ATP10B: variants seen among roughly 807,000 people sequenced by gnomAD.
ATP10B encodes phospholipid-transporting ATPase VB.
A neutral mutation model predicts 141.2 loss-of-function variants in ATP10B; 122 were observed. The observed-to-expected ratio is 0.86, with a 90% CI of 0.75 to 1.00. The LOEUF is 1.00. Among genes scored for constraint, ATP10B ranks in the 50% least tolerant of loss-of-function variants. The pLI is 0.00. For missense variants in ATP10B, 1,876 were observed against 1,825.3 expected (o/e 1.03, Z -0.51); for synonymous variants, 685 against 692.0 (o/e 0.99, Z 0.16).
At chr5:160,767,972 T>C (rs561457449) in intron 2 of ATP10B, among the ~76,000 whole-genome samples, 24 of 152,300 alleles carry the variant, frequency 1.6e-4, no homozygotes, top group Admixed American at 1.2e-3. Context: ...CGAACATTTC[T>C]GTCTCTCAGT....
chr5:160,616,862 C>T (rs548962623), intron 16 of ATP10B, among the ~76,000 whole-genome samples: 3 of 152,306 alleles, frequency 2.0e-5, no homozygotes, highest in South Asian at 2.1e-4. Flanking sequence ...AATACTGATT[C>T]AGAGTAGCAG....
chr5:160,901,859 T>C, the ATP10B span, among the ~76,000 whole-genome samples: 1 of 152,234 alleles, frequency 6.6e-6, no homozygotes, highest in Non-Finnish European at 1.5e-5. Flanking sequence ...ACTCCTGTTA[T>C]CTGCTAAGCA....
chr5:160,698,852 TAG>T (rs1054280544), intron 3 of ATP10B, among the ~76,000 whole-genome samples: 5 of 152,108 alleles, frequency 3.3e-5, no homozygotes, highest in Admixed American at 6.5e-5. Flanking sequence ...ATTAGTGAAT[TAG>T]AGAGTTGAGT....
rs767703443 is a variant in ATP10B, at chr5:160,687,857, G to C, written c.218C>G (p.Thr73Arg). ...SRRYPGNRTCTTKYTLFTFLP... is the reference protein window; with the variant it reads ...SRRYPGNRTCRTKYTLFTFLP... Reference sequence around the variant, plus strand: ...GAAGGTGAAGAGGGTGTATTTGGTTGTGCAGGTTCTGTTGCCAGGGTATCT... The same window carrying C: ...GAAGGTGAAGAGGGTGTATTTGGTTCTGCAGGTTCTGTTGCCAGGGTATCT... Residue 73 changes from threonine to arginine, a missense_variant, in exon 5 of 26, where the codon ACA becomes AGA. Transcript: ENST00000327245. The C allele has an allele frequency of 6.2e-7, 1 of 1,614,172 alleles. No individual in the cohort carries two copies. The highest frequency in any genetic ancestry group is 1.7e-5 in the Admixed American group (1 of 60,018).
At chr5:160,646,208 G>A (rs1760264511) in intron 8 of ATP10B, among the ~76,000 whole-genome samples, 2 of 152,018 alleles carry the variant, frequency 1.3e-5, no homozygotes, top group Non-Finnish European at 2.9e-5. Flanking sequence ...CACTACCTTA[G>A]GGTACCTAAA....
At chr5:160,896,185 A>C in the ATP10B span, among the ~76,000 whole-genome samples, 1 of 152,188 alleles carries the variant, frequency 6.6e-6, no homozygotes, top group Non-Finnish European at 1.5e-5. Context: ...AAGGCAAGAA[A>C]TAACTAAGAA....
the ATP10B span, among the ~76,000 whole-genome samples, chr5:160,886,200 G>A: frequency 6.6e-6 from 1 of 152,176 alleles, no homozygotes; most frequent in Admixed American, 6.6e-5. Context: ...GCAAGGACAT[G>A]AGAAACAAAG....
At chr5:160,852,297 T>C (rs1407568442), upstream of ATP10B, 4 of 152,200 alleles carry the variant, frequency 2.6e-5, no homozygotes, top group Admixed American at 1.3e-4. Context: ...ATTTACATTG[T>C]TAGACATGGT....
intron 22 of ATP10B, among the ~76,000 whole-genome samples, chr5:160,593,294 A>C (rs181798073): frequency 2.6e-5 from 4 of 152,336 alleles, no homozygotes; most frequent in Admixed American, 2.6e-4. Context: ...TGCTGCTGTT[A>C]CCCAGGCAAA....
intron 1 of ATP10B, among the ~76,000 whole-genome samples, chr5:160,832,506 C>T (rs962090832): frequency 1.3e-5 from 2 of 151,976 alleles, no homozygotes; most frequent in African/African-American, 4.8e-5. Context: ...CACACATATG[C>T]CCACACTGAA....
the ATP10B span, among the ~76,000 whole-genome samples, chr5:160,880,239 T>G: frequency 7.9e-6 from 1 of 126,212 alleles, no homozygotes; most frequent in Non-Finnish European, 1.7e-5. Flanking sequence ...TATAAATATT[T>G]TTATATATTA....
intron 1 of ATP10B, among the ~76,000 whole-genome samples, chr5:160,789,298 G>C (rs1771400587): frequency 6.6e-6 from 1 of 151,658 alleles, no homozygotes; most frequent in Non-Finnish European, 1.5e-5. Flanking sequence ...TCTAAGAAAT[G>C]CATCATTAGG....
chr5:160,685,997 G>C (rs1263879901), intron 6 of ATP10B, 82 bp downstream of exon 6: 1 of 1,089,198 alleles, frequency 9.2e-7, no homozygotes, highest in African/African-American at 1.6e-5. Flanking sequence ...TAAAATCGAA[G>C]AAAAGAGACT....
At chr5:160,926,691 A>C in the ATP10B span, among the ~76,000 whole-genome samples, 1 of 152,232 alleles carries the variant, frequency 6.6e-6, no homozygotes, top group Non-Finnish European at 1.5e-5. Context: ...GCCAAGGAGG[A>C]AGCATCACTA....
the ATP10B span, among the ~76,000 whole-genome samples, chr5:160,920,054 C>T: frequency 2.6e-5 from 4 of 152,294 alleles, no homozygotes; most frequent in African/African-American, 9.6e-5. Context: ...TACTGAGATG[C>T]TTAAAGCAAA....
intron 13 of ATP10B, among the ~76,000 whole-genome samples, chr5:160,623,613 T>G (rs767649746): frequency 6.6e-5 from 10 of 152,150 alleles, no homozygotes; most frequent in Non-Finnish European, 1.5e-4. Context: ...GATTTTCACA[T>G]CTTTCTAGAA....
At position 160,846,261 on chromosome 5, in the gene ATP10B, C is replaced by T. The variant is rs1350825799; in HGVS notation, c.-576+5680G>A. ...CCAAGCATGTGCTCACTAAACTTGC[C>T]GTGTTGAGCAGGCTAGGTACCAATT... On this transcript the variant is annotated intron_variant, in intron 1 of 25. Transcript: ENST00000327245. Among the ~76,000 whole-genome samples, 6 of 152,102 alleles carry T rather than the reference C, an allele frequency of 3.9e-5. 1 individual carries two copies. The highest frequency in any genetic ancestry group is 1.4e-4 in the African/African-American group (6 of 41,488).
At chr5:160,651,599 TG>T in intron 7 of ATP10B, among the ~76,000 whole-genome samples, 1 of 152,226 alleles carries the variant, frequency 6.6e-6, no homozygotes. Context: ...GATGGTTTCC[TG>T]GGTAGAGCTT....
intron 25 of ATP10B, among the ~76,000 whole-genome samples, chr5:160,567,664 G>C (rs562128672): frequency 6.6e-6 from 1 of 152,132 alleles, no homozygotes; most frequent in Non-Finnish European, 1.5e-5. Context: ...ACCTAGGCAT[G>C]ATGGCTGAAG....
Sources: allele counts gnomAD v4.1 joint callset (sites outside exome capture counted in the v4.1 genomes callset), GRCh38; gene constraint gnomAD v4.1.1; transcripts MANE v1.5; gene names NCBI Gene and HGNC (gene_info 2026-07-23, HGNC 2026-07-21).